Variants in STARD13 observed in about 807,000 individuals in gnomAD.
STARD13 encodes the protein stAR-related lipid transfer protein 13.
Under a neutral mutation model 106.4 loss-of-function variants are expected in STARD13, and 62 were observed. The observed-to-expected ratio is 0.58, with a 90% CI of 0.48 to 0.72. STARD13 has a LOEUF of 0.72. STARD13 is among the 30% of genes least tolerant of loss of function. The pLI, the probability that STARD13 is intolerant of heterozygous loss-of-function variation, is 0.00. For synonymous variants in STARD13, 565 were observed against 553.0 expected (o/e 1.02, Z -0.31); for missense variants, 1,387 against 1,424.0 (o/e 0.97, Z 0.42).
At chr13:33,356,670 T>G in the STARD13 span, among the ~76,000 whole-genome samples, 1 of 152,264 alleles carries the variant, frequency 6.6e-6, no homozygotes, top group African/African-American at 2.4e-5. Flanking sequence ...ATATTTAGAA[T>G]GATGCCTGGC....
the STARD13 span, among the ~76,000 whole-genome samples, chr13:33,544,130 C>A: frequency 6.6e-6 from 1 of 152,108 alleles, no homozygotes; most frequent in African/African-American, 2.4e-5. Flanking sequence ...TTAGAAATGA[C>A]TAAAATTAAG....
the STARD13 span, among the ~76,000 whole-genome samples, chr13:33,430,818 G>A: frequency 2.2e-4 from 34 of 152,270 alleles, 1 homozygote; most frequent in East Asian, 3.5e-3. Flanking sequence ...GCCAAGCACG[G>A]AAAGAAAAAT....
the STARD13 span, among the ~76,000 whole-genome samples, chr13:33,635,808 C>A: frequency 4.0e-5 from 6 of 151,384 alleles, no homozygotes; most frequent in African/African-American, 1.2e-4. Flanking sequence ...TGTGGCGACA[C>A]CCCGTCTCTA....
the STARD13 span, among the ~76,000 whole-genome samples, chr13:33,377,634 C>CAA: frequency 6.6e-6 from 1 of 151,312 alleles, no homozygotes; most frequent in African/African-American, 2.4e-5. Context: ...CACACACACA[C>CAA]AACCACGCAA....
At chr13:33,329,919 G>A (rs2138556031) in intron 1 of STARD13, among the ~76,000 whole-genome samples, 1 of 152,214 alleles carries the variant, frequency 6.6e-6, no homozygotes, top group Admixed American at 6.5e-5. Flanking sequence ...GGCCAGGCTG[G>A]TCTTGAACTC....
chr13:33,469,686 A>C, the STARD13 span, among the ~76,000 whole-genome samples: 3 of 152,164 alleles, frequency 2.0e-5, no homozygotes, highest in Admixed American at 2.0e-4. Context: ...AAATGGTGAG[A>C]GTAGACATTA....
chr13:33,295,837 G>A (rs1276619218), intron 1 of STARD13, among the ~76,000 whole-genome samples: 1 of 152,072 alleles, frequency 6.6e-6, no homozygotes, highest in Non-Finnish European at 1.5e-5. Flanking sequence ...GGGAAAAGAT[G>A]CCCATGAAGA....
chr13:33,642,334 C>T, the STARD13 span, among the ~76,000 whole-genome samples: 5,744 of 152,276 alleles, frequency 0.038, 359 homozygotes, highest in African/African-American at 0.13. Flanking sequence ...CTGCATTCAG[C>T]AGCCAATTTA....
chr13:33,126,855 A>G (rs1218363489), intron 6 of STARD13, among the ~76,000 whole-genome samples: 8 of 127,708 alleles, frequency 6.3e-5, no homozygotes, highest in African/African-American at 2.5e-4. Flanking sequence ...AATCATCTAC[A>G]ATAGGTCCAC....
At chr13:33,178,649 A>T (rs1431003039) in intron 1 of STARD13, among the ~76,000 whole-genome samples, 3 of 152,270 alleles carry the variant, frequency 2.0e-5, no homozygotes, top group South Asian at 2.1e-4. Flanking sequence ...CCGTATTCCC[A>T]CCTCTTCCTT....
intron 1 of STARD13, among the ~76,000 whole-genome samples, chr13:33,226,327 T>G (rs1232035279): frequency 6.6e-6 from 1 of 152,166 alleles, no homozygotes; most frequent in Admixed American, 6.5e-5. Context: ...CAACTAATCA[T>G]TCCTTCATTT....
chr13:33,110,664 T>C (rs775074563), intron 11 of STARD13, 22 bp downstream of exon 11: 1 of 1,597,920 alleles, frequency 6.3e-7, no homozygotes, highest in South Asian at 1.1e-5. Flanking sequence ...GGGGGTGATC[T>C]TTTTCCATCC....
At chr13:33,253,716 T>C (rs1041464902) in intron 1 of STARD13, among the ~76,000 whole-genome samples, 1 of 152,078 alleles carries the variant, frequency 6.6e-6, no homozygotes, top group Non-Finnish European at 1.5e-5. Context: ...CTTCAATGTA[T>C]GGCGTTGATT....
At chr13:33,610,827 A>G in the STARD13 span, 16,141 of 152,152 alleles carry the variant, frequency 0.11, 1,929 homozygotes, top group African/African-American at 0.28. Context: ...TGCGCGGAGA[A>G]CCTCTGCCAG....
chr13:33,528,257 C>CATATATATATATATATAT, the STARD13 span, among the ~76,000 whole-genome samples: 24 of 92,896 alleles, frequency 2.6e-4, 2 homozygotes, highest in African/African-American at 1.4e-3. Flanking sequence ...TATATATATA[C>CATATATATATATATATAT]ATATATATAT....
At chr13:33,662,588 G>A in the STARD13 span, among the ~76,000 whole-genome samples, 32 of 152,090 alleles carry the variant, frequency 2.1e-4, no homozygotes, top group Non-Finnish European at 3.8e-4. Flanking sequence ...ACGTTCTGCC[G>A]TTTTCAGGCC....
the STARD13 span, among the ~76,000 whole-genome samples, chr13:33,562,769 T>C: frequency 6.8e-6 from 1 of 146,604 alleles, no homozygotes; most frequent in Non-Finnish European, 1.5e-5. Context: ...ATATAAAGTG[T>C]TAAAATATCA....
chr13:33,212,172 C>A (rs1486519098), intron 1 of STARD13, among the ~76,000 whole-genome samples: 1 of 152,104 alleles, frequency 6.6e-6, no homozygotes, highest in Non-Finnish European at 1.5e-5. Flanking sequence ...CTCACCTGTC[C>A]CCCTGAAGCT....
the STARD13 span, among the ~76,000 whole-genome samples, chr13:33,562,565 A>G: frequency 2.7e-5 from 4 of 146,774 alleles, no homozygotes; most frequent in African/African-American, 1.0e-4. Flanking sequence ...TCAAATAAAT[A>G]ATGTACATAC....
Sources: gnomAD v4.1 joint callset for allele counts (sites outside exome capture counted in the v4.1 genomes callset) on GRCh38, gnomAD v4.1.1 for gene constraint, MANE v1.5 for transcripts, NCBI Gene and HGNC (gene_info 2026-07-23, HGNC 2026-07-21) for gene names.